MAPKAP1: variants seen among roughly 807,000 people sequenced by gnomAD.
The protein encoded by MAPKAP1 is MAPK associated protein 1.
In MAPKAP1, 20 loss-of-function variants were observed where a neutral mutation model predicts 65.7. The observed-to-expected ratio is 0.30, with a 90% confidence interval of 0.21 to 0.44. The LOEUF (loss-of-function observed/expected upper bound fraction) is 0.44. Ranked by LOEUF, MAPKAP1 falls within the 20% of genes least tolerant of loss-of-function variation. The probability of loss-of-function intolerance (pLI) is 1.00; values close to 1 mark genes in which losing one functional copy is unlikely to be tolerated. For synonymous variants in MAPKAP1, 222 were observed against 244.3 expected (o/e 0.91, Z 0.85); for missense variants, 423 against 648.0 (o/e 0.65, Z 3.77).
At chr9:125,672,694 C>T in intron 1 of MAPKAP1, 51 bp from the exon 2 acceptor site, 1 of 1,170,394 alleles carries the variant, frequency 8.5e-7, no homozygotes, top group Non-Finnish European at 1.2e-6. Flanking sequence ...CAGAAAATGA[C>T]TGAATCATTT....
intron 4 of MAPKAP1, among the ~76,000 whole-genome samples, chr9:125,607,649 T>A (rs571455384): frequency 4.6e-5 from 7 of 151,532 alleles, no homozygotes; most frequent in Admixed American, 6.6e-5. Flanking sequence ...TGCTTTTATT[T>A]TTTATTTATT....
intron 8 of MAPKAP1, among the ~76,000 whole-genome samples, chr9:125,505,458 T>C (rs983936072): frequency 6.6e-6 from 1 of 151,360 alleles, no homozygotes; most frequent in African/African-American, 2.4e-5. Flanking sequence ...GCCTGGCCAA[T>C]GCAGCAAGAC....
intron 3 of MAPKAP1, among the ~76,000 whole-genome samples, chr9:125,665,800 A>C (rs925370514): frequency 2.6e-5 from 4 of 152,226 alleles, no homozygotes; most frequent in Non-Finnish European, 5.9e-5. Context: ...GGGAATCATT[A>C]CTTAAGAAAC....
At chr9:125,564,069 C>G (rs1027037831) in intron 5 of MAPKAP1, among the ~76,000 whole-genome samples, 3 of 152,158 alleles carry the variant, frequency 2.0e-5, no homozygotes, top group Non-Finnish European at 4.4e-5. Context: ...TAATAACCTT[C>G]TTTTTGTGTT....
intron 1 of MAPKAP1, among the ~76,000 whole-genome samples, chr9:125,703,217 A>G (rs1835656259): frequency 6.6e-6 from 1 of 152,180 alleles, no homozygotes; most frequent in Non-Finnish European, 1.5e-5. Context: ...ATCCTAGTAC[A>G]TAACAGGCAT....
intron 10 of MAPKAP1, among the ~76,000 whole-genome samples, chr9:125,459,593 A>C (rs1394466982): frequency 6.6e-6 from 1 of 152,010 alleles, no homozygotes; most frequent in Non-Finnish European, 1.5e-5. Context: ...CTGGCGGATC[A>C]CTCGCGGTTA....
At chr9:125,659,587 G>A (rs1834127316) in intron 3 of MAPKAP1, among the ~76,000 whole-genome samples, 1 of 151,270 alleles carries the variant, frequency 6.6e-6, no homozygotes, top group Non-Finnish European at 1.5e-5. Context: ...CCCTTCCCTT[G>A]TGCACTAGAT....
At position 125,585,629 on chromosome 9, in the gene MAPKAP1, G is replaced by A; in HGVS notation, c.597C>T (p.Ala199=). Residue 199 remains alanine (A), a synonymous_variant, in exon 5 of 12, where the codon GCC becomes GCT. Coordinates refer to ENST00000265960, the MANE Select transcript of MAPKAP1 (RefSeq NM_001006617.3). The part of the protein sequence containing the change: ...RLLPMTVVTM[A]SARVQDLIGL... The stretch of plus-strand genomic sequence containing the variant: ...CGATCAGGTCCTGCACCCTGGCGCT[G>A]GCCATTGTCACCACGGTCATTGGCA... 6.2e-7 allele frequency: 1 copy of A among 1,614,244 alleles called. No individual in the cohort carries two copies. The highest frequency in any genetic ancestry group is 8.5e-7 in the Non-Finnish European group (1 of 1,180,040).
intron 8 of MAPKAP1, among the ~76,000 whole-genome samples, chr9:125,492,335 C>G (rs544568583): frequency 1.0e-3 from 159 of 152,286 alleles, no homozygotes; most frequent in Admixed American, 3.4e-3. Flanking sequence ...GTTTTCATTG[C>G]CCCTGATATC....
chr9:125,640,162 G>GGT, intron 4 of MAPKAP1, among the ~76,000 whole-genome samples: 1 of 152,068 alleles, frequency 6.6e-6, no homozygotes, highest in Admixed American at 6.5e-5. Context: ...GGAGTGCAGT[G>GGT]GCACGATCTC....
At chr9:125,500,596 G>A (rs1457995100) in intron 8 of MAPKAP1, among the ~76,000 whole-genome samples, 2 of 152,198 alleles carry the variant, frequency 1.3e-5, no homozygotes, top group South Asian at 2.1e-4. Context: ...TATACAAAAT[G>A]TGCTTGCATA....
At chr9:125,469,106 G>T (rs889564048) in intron 9 of MAPKAP1, among the ~76,000 whole-genome samples, 11 of 151,920 alleles carry the variant, frequency 7.2e-5, no homozygotes, top group African/African-American at 1.7e-4. Flanking sequence ...CTTCTATAGT[G>T]GGCCCCATAT....
rs574104728 is a variant in MAPKAP1, at chr9:125,640,105, T to C, written c.498+17546A>G. On this transcript the variant is annotated intron_variant, in intron 4 of 11. Coordinates refer to ENST00000265960, the MANE Select transcript of MAPKAP1 (RefSeq NM_001006617.3). ...CCTGTCCTTAGATCATCACGTTCTG[T>C]TTATCCCTTTTTTTTTGAGACGGAG... 2.0e-5 allele frequency among the ~76,000 whole-genome samples: 3 copies of C among 152,048 alleles called. No individual in the cohort carries two copies. In the South Asian group the frequency reaches 6.2e-4, roughly 32 times the overall value.
At chr9:125,701,216 A>G (rs932213708) in intron 1 of MAPKAP1, among the ~76,000 whole-genome samples, 1 of 152,352 alleles carries the variant, frequency 6.6e-6, no homozygotes, top group Non-Finnish European at 1.5e-5. Context: ...TTTGTAACAC[A>G]GTACCTTAAA....
chr9:125,447,572 C>T lies in MAPKAP1; in HGVS notation c.1346-2974G>A, dbSNP rs948764804. On this transcript the variant is annotated intron_variant, in intron 10 of 11. Transcript: ENST00000265960. This position sits in a 1 kb window ranked among gnomAD's most constrained non-coding sequence, Gnocchi z 4.5. ...ACTCACTCCGCGGGCGTTTCTGCCC[C>T]GAGTTCCCCTCGCTAGCAGCCCTGT... The T allele has an allele frequency of 3.9e-5, 17 of 439,976 alleles. No individual in the cohort carries two copies. Among genetic ancestry groups the T allele is most frequent in the Admixed American group, 1.7e-4 (7 of 41,692 alleles). 27.3% of individuals were successfully genotyped at this position (439,976 alleles called of 1,614,324 possible). A position where few individuals can be genotyped will look rare whatever the true frequency, so the allele number is the denominator to read the frequency against.
At chr9:125,518,974 TG>T (rs992170987) in intron 7 of MAPKAP1, among the ~76,000 whole-genome samples, 13 of 152,344 alleles carry the variant, frequency 8.5e-5, no homozygotes, top group African/African-American at 2.6e-4. Context: ...CTATCACATT[TG>T]GGTTTTTGAC....
intron 5 of MAPKAP1, among the ~76,000 whole-genome samples, chr9:125,562,274 C>A (rs1830913840): frequency 6.6e-6 from 1 of 152,194 alleles, no homozygotes; most frequent in South Asian, 2.1e-4. Context: ...AGGTTCACTG[C>A]CAAGTGCTAT....
chr9:125,669,779 A>G (rs1428807594), intron 3 of MAPKAP1, 39 bp downstream of exon 3: 1 of 1,099,874 alleles, frequency 9.1e-7, no homozygotes, highest in Non-Finnish European at 1.3e-6. Flanking sequence ...AACTAAATAT[A>G]TAAATCTCAA....
chr9:125,647,934 CTT>C (rs59735781), intron 4 of MAPKAP1, among the ~76,000 whole-genome samples: 5,255 of 140,540 alleles, frequency 0.037, 98 homozygotes, highest in Non-Finnish European at 0.052. Flanking sequence ...GTCCCAATAT[CTT>C]TTTTTTTTTT....
Sources: allele counts gnomAD v4.1 joint callset (sites outside exome capture counted in the v4.1 genomes callset), GRCh38; gene constraint gnomAD v4.1.1; non-coding constraint Gnocchi (gnomAD v3.1); transcripts MANE v1.5; gene names NCBI Gene and HGNC (gene_info 2026-07-23, HGNC 2026-07-21).